Variants in ZIM2 observed in about 807,000 individuals in gnomAD.
ZIM2 encodes the protein zinc finger protein 656.
A neutral mutation model predicts 38.6 loss-of-function variants in ZIM2; 14 were observed. The observed-to-expected ratio is 0.36, with a 90% CI of 0.24 to 0.57. The LOEUF is 0.57. Ranked by LOEUF, ZIM2 falls within the 20% of genes least tolerant of loss-of-function variation. The pLI is 0.81. For missense variants in ZIM2, 680 were observed against 695.1 expected (o/e 0.98, Z 0.24); for synonymous variants, 247 against 245.8 (o/e 1.00, Z -0.04).
chr19:56,836,033 T>A lies in ZIM2; in HGVS notation c.-242A>T, dbSNP rs750773551. On this transcript the variant is annotated 5_prime_UTR_variant, in exon 2 of 13. Transcript: ENST00000629319. ...TTCAACTCACCTGGACCCAGCCACCTAGCGTTTGGACCTAGTCCCTCTTCC... is the reference window on the plus strand; with the variant it reads ...TTCAACTCACCTGGACCCAGCCACCAAGCGTTTGGACCTAGTCCCTCTTCC... 1 of 511,960 alleles carries A rather than the reference T, an allele frequency of 2.0e-6. No homozygotes were observed. The highest frequency in any genetic ancestry group is 3.9e-6 in the Non-Finnish European group (1 of 256,744). 31.7% of individuals were successfully genotyped at this position (511,960 alleles called of 1,614,324 possible).
At chr19:56,828,266 C>G (rs2061251815) in intron 2 of ZIM2, among the ~76,000 whole-genome samples, 1 of 152,060 alleles carries the variant, frequency 6.6e-6, no homozygotes, top group Admixed American at 6.5e-5. Flanking sequence ...TTTAGAAAAC[C>G]CTAAAGAATC....
intron 3 of ZIM2, among the ~76,000 whole-genome samples, chr19:56,825,200 T>G (rs1395427645): frequency 6.6e-6 from 1 of 152,100 alleles, no homozygotes; most frequent in African/African-American, 2.4e-5. Context: ...GAAGTAGGAG[T>G]TGGGGCAAAT....
At chr19:56,817,913 C>G in intron 8 of ZIM2, 75 bp from the exon 9 acceptor site, 1 of 1,172,378 alleles carries the variant, frequency 8.5e-7, no homozygotes, top group Non-Finnish European at 1.3e-6. Flanking sequence ...TGATCTTCAT[C>G]TTTCACTGAG....
At chr19:56,801,096 G>C (rs931279617) in intron 9 of ZIM2, among the ~76,000 whole-genome samples, 9 of 151,694 alleles carry the variant, frequency 5.9e-5, no homozygotes, top group African/African-American at 2.2e-4. Flanking sequence ...CACCATGCCC[G>C]GCTAATTTTT....
chr19:56,809,236 T>C lies in ZIM2; in HGVS notation c.490+8510A>G, dbSNP rs189447342. 6.2e-3 allele frequency among the ~76,000 whole-genome samples: 938 copies of C among 152,252 alleles called. 4 individuals carry two copies. The highest frequency in any genetic ancestry group is 0.014 in the Middle Eastern group (4 of 294). On this transcript the variant is annotated intron_variant, in intron 9 of 12. Coordinates refer to ENST00000629319, the MANE Select transcript of ZIM2 (RefSeq NM_001387356.1). ...AATGACCATGGAAGCTGTGACCAAATAGTCAGATGCCACAAGATATAAAGT... is the reference window on the plus strand; with the variant it reads ...AATGACCATGGAAGCTGTGACCAAACAGTCAGATGCCACAAGATATAAAGT...
rs1275756106 is a variant in ZIM2 at position 56,775,290 on chromosome 19, T to C, written c.1075A>G (p.Asn359Asp). 2.5e-6 allele frequency: 4 copies of C among 1,614,160 alleles called. No homozygotes were observed. The highest frequency in any genetic ancestry group is 3.4e-6 in the Non-Finnish European group (4 of 1,180,014). Residue 359 changes from asparagine to aspartate, a missense_variant, in exon 13 of 13, where the codon AAC becomes GAC. Physicochemically the swap from Asn to Asp is conservative, Grantham distance 23 (BLOSUM62 1). Coordinates refer to ENST00000629319, the MANE Select transcript of ZIM2 (RefSeq NM_001387356.1). ...PQSASQENKH[N>D]RCEFCKRTFS... is the part of the protein sequence containing the mutation. ...GTTCGTTTGCAAAATTCACATCTGT[T>C]GTGTTTGTTCTCTTGGGATGCTGAC...
At chr19:56,823,061 A>G (rs2060655041) in intron 5 of ZIM2, among the ~76,000 whole-genome samples, 1 of 152,224 alleles carries the variant, frequency 6.6e-6, no homozygotes, top group Non-Finnish European at 1.5e-5. Flanking sequence ...GCTTCCAAGC[A>G]AGTTCCAAAG....
Position 56,785,159 on chromosome 19 carries a change from C to A in ZIM2, c.571-3038G>T, listed in dbSNP as rs189970231. 3.8e-4 allele frequency among the ~76,000 whole-genome samples: 58 copies of A among 152,226 alleles called. No homozygotes were observed. The East Asian group carries it at 0.011, about 29-fold the overall frequency. On this transcript the variant is annotated intron_variant, in intron 10 of 12. Coordinates refer to ENST00000629319, the MANE Select transcript of ZIM2 (RefSeq NM_001387356.1). ...ACTGGGTCCACATTCTCACATGGCA[C>A]CATCAGCAAAAGCTGAGTCACAGCT... is the stretch of plus-strand genomic sequence containing the variant.
intron 6 of ZIM2, among the ~76,000 whole-genome samples, chr19:56,822,139 C>T (rs2060554578): frequency 6.6e-6 from 1 of 152,208 alleles, no homozygotes; most frequent in African/African-American, 2.4e-5. Context: ...TGGCTCTGAA[C>T]AATGCCTATT....
intron 10 of ZIM2, among the ~76,000 whole-genome samples, chr19:56,783,172 AC>A (rs2046413770): frequency 6.6e-6 from 1 of 152,204 alleles, no homozygotes. Flanking sequence ...AATAACCCAA[AC>A]ATTCATTAAC....
At chr19:56,803,467 CT>C (rs1412408973) in intron 9 of ZIM2, among the ~76,000 whole-genome samples, 13 of 152,320 alleles carry the variant, frequency 8.5e-5, no homozygotes, top group African/African-American at 3.1e-4. Context: ...CCAGGATGCT[CT>C]TCACAGAAAG....
intron 9 of ZIM2, chr19:56,812,676 C>T (rs2059615841): frequency 1.0e-6 from 1 of 985,378 alleles, no homozygotes; most frequent in Non-Finnish European, 1.2e-6. Context: ...GAGAGCCTCT[C>T]CTACGGTTCT....
At chr19:56,839,653 C>T (rs1309043611) in intron 1 of ZIM2, among the ~76,000 whole-genome samples, 1 of 152,234 alleles carries the variant, frequency 6.6e-6, no homozygotes, top group Non-Finnish European at 1.5e-5. Context: ...CGGCAAACCT[C>T]AGCCACCCTC....
intron 3 of ZIM2, chr19:56,824,725 C>A: frequency 2.1e-6 from 3 of 1,426,482 alleles, no homozygotes; most frequent in Admixed American, 2.0e-5. Context: ...AGCCTGTGAC[C>A]GTCAGTACTC....
chr19:56,815,785 C>G, intron 9 of ZIM2: 1 of 1,613,684 alleles, frequency 6.2e-7, no homozygotes, highest in Non-Finnish European at 8.5e-7. Context: ...GCGATTCTTA[C>G]TGCCCCCTTC....
intron 1 of ZIM2, among the ~76,000 whole-genome samples, chr19:56,840,100 T>C (rs1188614616): frequency 1.3e-5 from 2 of 152,194 alleles, no homozygotes; most frequent in African/African-American, 4.8e-5. Context: ...AGGGGCATTT[T>C]CGCAGCCCCC....
chr19:56,802,097 A>G (rs978972586), intron 9 of ZIM2, among the ~76,000 whole-genome samples: 1 of 152,158 alleles, frequency 6.6e-6, no homozygotes, highest in Admixed American at 6.5e-5. Flanking sequence ...GGGAGGGGGA[A>G]GAGGGCAGGT....
chr19:56,807,148 G>T (rs2047796324), intron 9 of ZIM2, among the ~76,000 whole-genome samples: 2 of 152,128 alleles, frequency 1.3e-5, no homozygotes, highest in South Asian at 4.1e-4. Context: ...CAGAGTCAGA[G>T]AAATTTTAAG....
At chr19:56,779,092 A>C (rs185300379) in intron 12 of ZIM2, among the ~76,000 whole-genome samples, 20 of 152,182 alleles carry the variant, frequency 1.3e-4, no homozygotes, top group Non-Finnish European at 2.4e-4. Flanking sequence ...TGTTTGTCTC[A>C]GTTAAAGAGG....
Sources: allele counts gnomAD v4.1 joint callset (sites outside exome capture counted in the v4.1 genomes callset), GRCh38; gene constraint gnomAD v4.1.1; transcripts MANE v1.5; gene names NCBI Gene and HGNC (gene_info 2026-07-23, HGNC 2026-07-21).